Variants in MSANTD1 observed in about 807,000 individuals in gnomAD.
The protein encoded by MSANTD1 is myb/SANT-like DNA-binding domain-containing protein 1.
MSANTD1 carries 7 observed loss-of-function variants against 24.2 expected under a neutral mutation model. That is an observed-to-expected ratio of 0.29 (90% CI 0.16 to 0.54). The LOEUF is 0.54. Ranked by LOEUF, MSANTD1 falls within the 20% of genes least tolerant of loss-of-function variation. The pLI, the probability that MSANTD1 is intolerant of heterozygous loss-of-function variation, is 0.94. For synonymous variants in MSANTD1, 177 were observed against 181.1 expected, an observed-to-expected ratio of 0.98 and a Z score of 0.18; for missense variants, 384 against 408.2, an observed-to-expected ratio of 0.94 and a Z score of 0.51.
chr4:3,250,353 C>T (rs73193327), intron 1 of MSANTD1, among the ~76,000 whole-genome samples: 12,247 of 152,192 alleles, frequency 0.08, 855 homozygotes, highest in East Asian at 0.33. Context: ...GAGATGTTGG[C>T]GTCTAGGAGG....
chr4:3,249,713 G>A lies in MSANTD1; in HGVS notation c.320+171G>A, dbSNP rs184927124. Among the ~76,000 whole-genome samples the A allele has an allele frequency of 2.5e-3, 374 of 152,354 alleles. 2 individuals are homozygous for A. Among genetic ancestry groups the A allele is most frequent in the Admixed American group, 4.8e-3 (73 of 15,306 alleles). ...CCCCACGGGGTGAGACGGGGCCCAC[G>A]GAAACCGTGTGTGCAGCCTTCCATT... On this transcript the variant is annotated intron_variant, in intron 1 of 2. Coordinates refer to ENST00000438480, the MANE Select transcript of MSANTD1 (RefSeq NM_001042690.2).
Position 3,249,540 on chromosome 4 carries a change from C to T in MSANTD1, c.318C>T (p.Tyr106=), listed in dbSNP as rs1250001027. 6.2e-7 allele frequency: 1 copy of T among 1,606,604 alleles called. No individual in the cohort carries two copies. Among genetic ancestry groups the T allele is most frequent in the East Asian group, 2.2e-5 (1 of 44,706 alleles). The part of the protein sequence containing the change: ...KIKITNMTFQ[Y]RKLKCMTDSE... ...AGATCACCAACATGACCTTCCAGTA[C>T]AGGTGGGCGAGCGGGCAGTGTGGGC... The change falls in exon 1 of 3, where the codon TAC becomes TAT. Residue 106 remains tyrosine, a splice_region_variant and synonymous_variant. Transcript: ENST00000438480.
At position 3,255,779 on chromosome 4, in the gene MSANTD1, G is replaced by T. The variant is rs1226824345; in HGVS notation, c.651G>T (p.Lys217Asn). ...AGGTGCAGAGCTGCCACCTGCAGAA[G>T]AAGCAGCTGCGGCTGCTGGAGGCCA... Reference protein sequence around the residue: ...KRKVQSCHLQKKQLRLLEAMV... With the variant: ...KRKVQSCHLQNKQLRLLEAMV... The change falls in exon 3 of 3, where the codon AAG (lysine) becomes AAT (asparagine). Residue 217 changes from lysine to asparagine, a missense_variant. Physicochemically the swap from Lys to Asn is moderately conservative, Grantham distance 94. Coordinates refer to ENST00000438480, the MANE Select transcript of MSANTD1 (RefSeq NM_001042690.2). 6.5e-7 allele frequency: 1 copy of T among 1,547,088 alleles called. No individual in the cohort carries two copies. Among genetic ancestry groups the T allele is most frequent in the Non-Finnish European group, 8.7e-7 (1 of 1,146,648 alleles).
At chr4:3,249,586 C>A (rs560991137) in intron 1 of MSANTD1, 44 bp downstream of exon 1, 1 of 1,532,182 alleles carries the variant, frequency 6.5e-7, no homozygotes, top group Non-Finnish European at 8.9e-7. Context: ...CGGGCGGGCC[C>A]GGGCGTGGCG....
chr4:3,247,325 C>G (rs1722061418), upstream of MSANTD1, among the ~76,000 whole-genome samples: 2 of 152,174 alleles, frequency 1.3e-5, no homozygotes, highest in African/African-American at 4.8e-5. Flanking sequence ...GCTGGGACCC[C>G]ATGCCTTTCT....
chr4:3,255,910 T>A lies in MSANTD1; in HGVS notation c.782T>A (p.Leu261Gln). The change falls in exon 3 of 3, where the codon CTG (leucine) becomes CAG (glutamine). Residue 261 changes from leucine (L) to glutamine (Q), a missense_variant. Transcript: ENST00000438480. ...ATCCTGCAGGTGCAGAGCCTGCAGC[T>A]GCAGGAGCGCATGATGAGTCTGCTG... Reference protein sequence around the residue: ...QHILQVQSLQLQERMMSLLER... With the variant: ...QHILQVQSLQQQERMMSLLER... 6.5e-7 allele frequency: 1 copy of A among 1,545,608 alleles called. No individual in the cohort carries two copies. Among genetic ancestry groups the A allele is most frequent in the Non-Finnish European group, 8.7e-7 (1 of 1,146,162 alleles).
At position 3,249,320 on chromosome 4, in the gene MSANTD1, T is replaced by C; in HGVS notation, c.98T>C (p.Val33Ala). 2 of 1,545,200 alleles carry C rather than the reference T, an allele frequency of 1.3e-6. No homozygotes were observed. Among genetic ancestry groups the C allele is most frequent in the Non-Finnish European group, 1.8e-6 (2 of 1,142,102 alleles). Residue 33 changes from valine to alanine, a missense_variant, in exon 1 of 3, where the codon GTG becomes GCG. Val to Ala is a moderately conservative substitution (Grantham distance 64). Transcript: ENST00000438480. ...MAAAEGPGYLVSPQAEKHRRA... is the reference protein window; with the variant it reads ...MAAAEGPGYLASPQAEKHRRA... ...GCGGCCGAGGGGCCCGGCTACCTCG[T>C]GTCTCCCCAGGCGGAGAAGCACCGG... is the stretch of plus-strand genomic sequence containing the variant.
At chr4:3,244,796 C>T (rs1272124295), upstream of MSANTD1, 1 of 152,330 alleles carries the variant, frequency 6.6e-6, no homozygotes, top group African/African-American at 2.4e-5. Flanking sequence ...CCCATTCTTT[C>T]CCTGCTCTGC....
At chr4:3,248,196 G>A (rs562601507), upstream of MSANTD1, 55 of 126,168 alleles carry the variant, frequency 4.4e-4, no homozygotes, top group Non-Finnish European at 8.1e-4. Context: ...CCAGGCCACC[G>A]CTCCGGTTCC....
upstream of MSANTD1, chr4:3,248,973 GCCGCTGGGTTTGGGCCTGGC>G (rs558919061): frequency 3.2e-5 from 12 of 375,098 alleles, no homozygotes; most frequent in African/African-American, 1.9e-4. Flanking sequence ...CGGGAGCCGG[GCCGCTGGGTTTGGGCCTGGC>G]CCGCTCGCCG....
chr4:3,246,726 G>A, upstream of MSANTD1: 1 of 671,968 alleles, frequency 1.5e-6, no homozygotes, highest in Non-Finnish European at 2.7e-6. Context: ...GGCAGGAGCA[G>A]CTGGGTGCCT....
In MSANTD1 at chr4:3,252,878, A is replaced by G. The variant is rs183253720; in HGVS notation, c.321-329A>G. Among the ~76,000 whole-genome samples, 507 of 152,390 alleles carry G rather than the reference A, an allele frequency of 3.3e-3. 3 individuals are homozygous for G. Among genetic ancestry groups the G allele is most frequent in the Middle Eastern group, 6.8e-3 (2 of 294 alleles). On this transcript the variant is annotated intron_variant, in intron 1 of 2. Coordinates refer to ENST00000438480, the MANE Select transcript of MSANTD1 (RefSeq NM_001042690.2). ...ATTATTTAAAAAGCAGTATTTGCTCATTGCAGAGAGTCTAGAAACTATAGA... is the reference window on the plus strand; with the variant it reads ...ATTATTTAAAAAGCAGTATTTGCTCGTTGCAGAGAGTCTAGAAACTATAGA...
chr4:3,255,940 G>A lies in MSANTD1; in HGVS notation c.812G>A (p.Arg271Lys). The change falls in exon 3 of 3, where the codon AGG becomes AAG. Residue 271 changes from arginine to lysine, a missense_variant. Coordinates refer to ENST00000438480, the MANE Select transcript of MSANTD1 (RefSeq NM_001042690.2). ...LQERMMSLLE[R>K]IITKSSV is the part of the protein sequence containing the mutation. The stretch of plus-strand genomic sequence containing the variant: ...GAGCGCATGATGAGTCTGCTGGAGA[G>A]GATCATCACCAAGTCCAGCGTCTAG... The A allele has an allele frequency of 6.5e-7, 1 of 1,540,482 alleles. No homozygotes were observed. The highest frequency in any genetic ancestry group is 2.0e-5 in the Admixed American group (1 of 50,636).
chr4:3,253,976 G>A (rs557826396), intron 2 of MSANTD1, among the ~76,000 whole-genome samples: 11 of 152,288 alleles, frequency 7.2e-5, no homozygotes, highest in East Asian at 5.8e-4. Context: ...GGCATGACCC[G>A]TCCCCTCTGC....
Position 3,249,180 on chromosome 4 carries a change from C to A in MSANTD1, c.-43C>A, listed in dbSNP as rs575077640. ...TGTCAGATGTAGGCCCCATTTTGAGCGTGGAGCTGCCTTCGAGCGAGCGTG... is the reference window on the plus strand; with the variant it reads ...TGTCAGATGTAGGCCCCATTTTGAGAGTGGAGCTGCCTTCGAGCGAGCGTG... On this transcript the variant is annotated 5_prime_UTR_variant, in exon 1 of 3. Coordinates refer to ENST00000438480, the MANE Select transcript of MSANTD1 (RefSeq NM_001042690.2). 294 of 1,326,402 alleles carry A rather than the reference C, an allele frequency of 2.2e-4. 1 individual carries two copies. In the South Asian group the frequency reaches 4.6e-3, roughly 21 times the overall value. The allele number at this position is 1,326,402 out of a possible 1,614,324, so 82.2% of individuals were successfully genotyped here.
upstream of MSANTD1, chr4:3,244,599 G>A (rs1721963360): frequency 2.6e-5 from 4 of 152,288 alleles, no homozygotes; most frequent in Admixed American, 2.6e-4. Context: ...TCAGCCCAGC[G>A]GGGATGCTTC....
chr4:3,253,776 G>A (rs1722304866), intron 2 of MSANTD1, among the ~76,000 whole-genome samples: 1 of 152,224 alleles, frequency 6.6e-6, no homozygotes, highest in African/African-American at 2.4e-5. Flanking sequence ...ACCTTTCTCA[G>A]AGGGTGGCTG....
At chr4:3,248,673 G>T, upstream of MSANTD1, 1 of 153,276 alleles carries the variant, frequency 6.5e-6, no homozygotes, top group Non-Finnish European at 1.5e-5. Context: ...TGAGGGCCCA[G>T]CCCCAGGACC....
chr4:3,252,997 T>G (rs986930322), intron 1 of MSANTD1, among the ~76,000 whole-genome samples: 2 of 152,238 alleles, frequency 1.3e-5, no homozygotes, highest in Non-Finnish European at 2.9e-5. Flanking sequence ...TTTTAACATC[T>G]GAGCCCGTGT....
Sources: allele counts gnomAD v4.1 joint callset (sites outside exome capture counted in the v4.1 genomes callset), GRCh38; gene constraint gnomAD v4.1.1; transcripts MANE v1.5; gene names NCBI Gene and HGNC (gene_info 2026-07-23, HGNC 2026-07-21).